The following ERC2 variants were observed in gnomAD, a reference collection of about 807,000 sequenced individuals.
The protein encoded by ERC2 is ERC protein 2.
In ERC2, 42 loss-of-function variants were observed where a neutral mutation model predicts 114.8. The ratio of observed to expected loss-of-function variants is 0.37; its 90% CI spans 0.29 to 0.47. The LOEUF (loss-of-function observed/expected upper bound fraction) is 0.47, where lower values mean the gene tolerates loss of function less well. ERC2 is among the 20% of genes least tolerant of loss of function. The probability of loss-of-function intolerance (pLI) is 0.99; values close to 1 mark genes in which losing one functional copy is unlikely to be tolerated. For synonymous variants in ERC2, 454 were observed against 425.5 expected (o/e 1.07, Z -0.82); for missense variants, 939 against 1,150.7 (o/e 0.82, Z 2.66).
intron 5 of ERC2, among the ~76,000 whole-genome samples, chr3:56,145,924 G>C (rs1290163202): frequency 6.6e-6 from 1 of 152,028 alleles, no homozygotes; most frequent in African/African-American, 2.4e-5. Flanking sequence ...CAATCTACAT[G>C]ATTTATTCAT....
At chr3:55,671,719 T>C (rs2061567082) in intron 17 of ERC2, among the ~76,000 whole-genome samples, 1 of 152,196 alleles carries the variant, frequency 6.6e-6, no homozygotes, top group Admixed American at 6.5e-5. Context: ...GGCATGCGGT[T>C]GTCCAGGCTT....
intron 13 of ERC2, among the ~76,000 whole-genome samples, chr3:55,891,003 A>C (rs926126048): frequency 1.3e-5 from 2 of 152,218 alleles, no homozygotes; most frequent in African/African-American, 4.8e-5. Flanking sequence ...TAGAGAACTG[A>C]AAACTGTTTC....
chr3:56,158,971 G>A (rs1312332096), intron 4 of ERC2, among the ~76,000 whole-genome samples: 1 of 152,132 alleles, frequency 6.6e-6, no homozygotes, highest in African/African-American at 2.4e-5. Flanking sequence ...CCTGCAAGGA[G>A]GTGACTGGAT....
intron 15 of ERC2, among the ~76,000 whole-genome samples, chr3:55,717,215 C>A (rs2064175925): frequency 6.6e-6 from 1 of 152,158 alleles, no homozygotes; most frequent in Non-Finnish European, 1.5e-5. Context: ...ACCCAGAGAA[C>A]CAGAAGTTAA....
intron 14 of ERC2, among the ~76,000 whole-genome samples, chr3:55,786,618 T>A (rs1447881430): frequency 1.3e-5 from 2 of 152,226 alleles, no homozygotes; most frequent in Non-Finnish European, 2.9e-5. Flanking sequence ...GTACTATTAT[T>A]ATCCCCATTT....
chr3:56,063,206 G>A (rs1392980636), intron 7 of ERC2, among the ~76,000 whole-genome samples: 3 of 152,138 alleles, frequency 2.0e-5, no homozygotes, highest in African/African-American at 7.2e-5. Flanking sequence ...TGATTGCCAG[G>A]GATTGGAGGC....
At chr3:56,367,073 T>G (rs1384532824) in intron 2 of ERC2, among the ~76,000 whole-genome samples, 2 of 152,086 alleles carry the variant, frequency 1.3e-5, no homozygotes, top group African/African-American at 4.8e-5. Flanking sequence ...GTCTAATTCT[T>G]CTCCAGAAAA....
intron 7 of ERC2, among the ~76,000 whole-genome samples, chr3:56,057,407 C>T (rs2076061837): frequency 6.6e-6 from 1 of 152,140 alleles, no homozygotes; most frequent in South Asian, 2.1e-4. Flanking sequence ...CCCCACATTG[C>T]TTACTCATTT....
intron 17 of ERC2, among the ~76,000 whole-genome samples, chr3:55,563,574 A>C: frequency 6.6e-6 from 1 of 152,232 alleles, no homozygotes. Flanking sequence ...ATAAGAGAAC[A>C]CTGAGAGAGA....
intron 7 of ERC2, among the ~76,000 whole-genome samples, chr3:56,033,046 AAGAAAG>A (rs1308406894): frequency 5.3e-5 from 5 of 95,082 alleles, no homozygotes; most frequent in Non-Finnish European, 1.1e-4. Context: ...GAAAGAAAGA[AAGAAAG>A]AAAGAAAGAA....
intron 14 of ERC2, among the ~76,000 whole-genome samples, chr3:55,844,146 G>C (rs9812214): frequency 0.18 from 27,224 of 152,114 alleles, 3,583 homozygotes; most frequent in African/African-American, 0.37. Context: ...GGCATATGCT[G>C]TCTACCACTA....
intron 17 of ERC2, among the ~76,000 whole-genome samples, chr3:55,626,595 T>A (rs150478001): frequency 2.0e-5 from 3 of 152,386 alleles, no homozygotes; most frequent in African/African-American, 7.2e-5. Context: ...TTGCTTTTAT[T>A]ACAGAAGGAA....
At chr3:55,619,971 T>C (rs2059263147) in intron 17 of ERC2, among the ~76,000 whole-genome samples, 1 of 152,208 alleles carries the variant, frequency 6.6e-6, no homozygotes, top group Non-Finnish European at 1.5e-5. Flanking sequence ...TGCTCTCAAA[T>C]TCATTAAAGA....
At chr3:55,626,453 G>A (rs2059528070) in intron 17 of ERC2, among the ~76,000 whole-genome samples, 1 of 152,184 alleles carries the variant, frequency 6.6e-6, no homozygotes, top group Non-Finnish European at 1.5e-5. Flanking sequence ...TCTCCAGTCA[G>A]CCTAGGCTCT....
intron 14 of ERC2, among the ~76,000 whole-genome samples, chr3:55,883,209 A>G (rs114306182): frequency 0.011 from 1,676 of 152,332 alleles, 31 homozygotes; most frequent in African/African-American, 0.038. Flanking sequence ...CAATATTAAA[A>G]GAAAATTCCA....
chr3:55,974,055 C>G (rs1333837388), intron 12 of ERC2, among the ~76,000 whole-genome samples: 1 of 152,058 alleles, frequency 6.6e-6, no homozygotes. Context: ...CTCTAGCAGC[C>G]GGGAGAACTG....
intron 14 of ERC2, among the ~76,000 whole-genome samples, chr3:55,884,279 T>C (rs1268954018): frequency 6.6e-6 from 1 of 152,200 alleles, no homozygotes; most frequent in South Asian, 2.1e-4. Flanking sequence ...GTTTGCAACA[T>C]AGAAGGTTGT....
At chr3:56,449,411 G>A (rs901956657) in intron 1 of ERC2, among the ~76,000 whole-genome samples, 1 of 152,152 alleles carries the variant, frequency 6.6e-6, no homozygotes, top group African/African-American at 2.4e-5. Context: ...ACCAGAGTAG[G>A]CCCTCTCGCC....
Position 55,952,738 on chromosome 3 carries a change from T to A in ERC2, c.2268-2178A>T, listed in dbSNP as rs577261729. On this transcript the variant is annotated intron_variant, in intron 12 of 17. Coordinates refer to ENST00000288221, the MANE Select transcript of ERC2 (RefSeq NM_015576.3). ...CCAAGTATGGGTGACAAATACAGAT[T>A]ATTATTACAAACATCATTTGCACAG... is the stretch of plus-strand genomic sequence containing the variant. Among the ~76,000 whole-genome samples, 44 of 152,270 alleles carry A rather than the reference T, an allele frequency of 2.9e-4. 1 individual carries two copies. The South Asian group carries it at 8.3e-3, about 29-fold the overall frequency.
Sources: allele counts gnomAD v4.1 joint callset (sites outside exome capture counted in the v4.1 genomes callset), GRCh38; gene constraint gnomAD v4.1.1; transcripts MANE v1.5; gene names NCBI Gene and HGNC (gene_info 2026-07-23, HGNC 2026-07-21).